The following UBE2D3 variants were observed in gnomAD, a reference collection of about 807,000 sequenced individuals.
UBE2D3 encodes the protein ubiquitin conjugating enzyme E2 D3.
UBE2D3 carries 2 observed loss-of-function variants against 22.8 expected under a neutral mutation model. The ratio of observed to expected loss-of-function variants is 0.09; its 90% CI spans 0.04 to 0.28. The LOEUF is 0.28. Ranked by LOEUF, UBE2D3 falls within the 10% of genes least tolerant of loss-of-function variation. UBE2D3 has a pLI of 1.00. For missense variants in UBE2D3, 27 were observed against 182.5 expected (o/e 0.15, Z 4.91); for synonymous variants, 56 against 60.4 (o/e 0.93, Z 0.34).
intron 4 of UBE2D3, among the ~76,000 whole-genome samples, chr4:102,806,134 T>C (rs1361383067): frequency 6.6e-6 from 1 of 152,192 alleles, no homozygotes; most frequent in Non-Finnish European, 1.5e-5. Flanking sequence ...TGATAGTTTT[T>C]AAGATAATTC....
chr4:102,821,557 G>T (rs1392051633), intron 2 of UBE2D3, among the ~76,000 whole-genome samples: 3 of 151,950 alleles, frequency 2.0e-5, no homozygotes, highest in Non-Finnish European at 4.4e-5. Flanking sequence ...TCAAAATTAT[G>T]TGTTTCCAGG....
rs78125598 is a variant in UBE2D3, at chr4:102,826,366, G to A, written c.24+119C>T. ...ATATCTGCGTTCTCCATCCCCCCATGGAAGAAGTGATCCAAGAGGTATTTT... is the reference window on the plus strand; with the variant it reads ...ATATCTGCGTTCTCCATCCCCCCATAGAAGAAGTGATCCAAGAGGTATTTT... On this transcript the variant is annotated intron_variant, in intron 2 of 7. Coordinates refer to ENST00000453744, the MANE Select transcript of UBE2D3 (RefSeq NM_181891.3). 3,238 of 1,285,312 alleles carry A rather than the reference G, an allele frequency of 2.5e-3. 28 individuals carry two copies. The African/African-American group carries it at 0.029, about 12-fold the overall frequency. 79.6% of individuals were successfully genotyped at this position (1,285,312 alleles called of 1,614,324 possible). A position where few individuals can be genotyped will look rare whatever the true frequency, so the allele number is the denominator to read the frequency against.
chr4:102,808,767 T>C (rs1312720154), intron 4 of UBE2D3, among the ~76,000 whole-genome samples: 5 of 152,210 alleles, frequency 3.3e-5, no homozygotes, highest in African/African-American at 4.8e-5. Flanking sequence ...GCACACAGTA[T>C]GTACTCACAT....
upstream of UBE2D3, among the ~76,000 whole-genome samples, chr4:102,828,564 G>C (rs1000734107): frequency 2.0e-5 from 3 of 152,190 alleles, no homozygotes; most frequent in African/African-American, 4.8e-5. Flanking sequence ...GTTTTCACTG[G>C]TCTCCGTAAT....
chr4:102,853,732 A>C (rs953702529), intron 1 of UBE2D3, among the ~76,000 whole-genome samples: 2 of 152,210 alleles, frequency 1.3e-5, no homozygotes, highest in African/African-American at 4.8e-5. Flanking sequence ...TGGGAGACTG[A>C]AACGCAAAAC....
chr4:102,808,979 C>T (rs1228531177), intron 4 of UBE2D3: 1 of 155,660 alleles, frequency 6.4e-6, no homozygotes, highest in African/African-American at 2.5e-5. Context: ...CAGGAAGATA[C>T]ACATGTAACT....
chr4:102,828,453 C>T (rs1730906606), upstream of UBE2D3, among the ~76,000 whole-genome samples: 1 of 151,884 alleles, frequency 6.6e-6, no homozygotes, highest in African/African-American at 2.4e-5. Context: ...AAGTCTAGTG[C>T]ACGTCTGACC....
exon 1 of UBE2D3, chr4:102,868,838 C>T (rs1245803448): frequency 6.3e-7 from 1 of 1,576,434 alleles, no homozygotes; most frequent in Non-Finnish European, 8.7e-7. Context: ...CACCTTCACA[C>T]GAGATTCCGA....
intron 1 of UBE2D3, among the ~76,000 whole-genome samples, chr4:102,865,355 G>A (rs111876040): frequency 0.018 from 2,784 of 152,084 alleles, 82 homozygotes; most frequent in African/African-American, 0.061. Context: ...AGCCGGGAGT[G>A]GTGGCGGGCG....
In UBE2D3 at chr4:102,797,322, T is replaced by C. The variant is rs535009664; in HGVS notation, c.*93A>G. The C allele has an allele frequency of 4.4e-5, 49 of 1,118,096 alleles. No individual in the cohort carries two copies. In the East Asian group the frequency reaches 1.1e-3, roughly 25 times the overall value. 69.3% of individuals were successfully genotyped at this position (1,118,096 alleles called of 1,614,324 possible). A position where few individuals can be genotyped will look rare whatever the true frequency, so the allele number is the denominator to read the frequency against. On this transcript the variant is annotated 3_prime_UTR_variant, in exon 8 of 8. Coordinates refer to ENST00000453744, the MANE Select transcript of UBE2D3 (RefSeq NM_181891.3). ...TAAAATTAAAAAAGATGAGGTCTGA[T>C]AGGGGAGCAGCCGGATAAGAAAATC...
intron 2 of UBE2D3, among the ~76,000 whole-genome samples, chr4:102,825,041 A>G (rs192134894): frequency 6.6e-6 from 1 of 152,258 alleles, no homozygotes; most frequent in Admixed American, 6.5e-5. Context: ...TCACGATTTC[A>G]TATCAATACA....
chr4:102,798,432 T>C (rs1725584770), intron 7 of UBE2D3, among the ~76,000 whole-genome samples: 1 of 151,530 alleles, frequency 6.6e-6, no homozygotes, highest in African/African-American at 2.4e-5. Context: ...CTAAGGATAC[T>C]CTCTCAAAAA....
chr4:102,850,151 A>G (rs1179495534), intron 1 of UBE2D3, among the ~76,000 whole-genome samples: 1 of 152,208 alleles, frequency 6.6e-6, no homozygotes, highest in African/African-American at 2.4e-5. Flanking sequence ...TAATGGTGAA[A>G]ATATACATTA....
Position 102,797,146 on chromosome 4 carries a change from C to T in UBE2D3, c.*269G>A, listed in dbSNP as rs1021948926. The T allele has an allele frequency of 1.2e-5, 4 of 338,568 alleles. No homozygotes were observed. Among genetic ancestry groups the T allele is most frequent in the Non-Finnish European group, 2.2e-5 (4 of 184,240 alleles). The allele number at this position is 338,568 out of a possible 1,614,324, so 21.0% of individuals were successfully genotyped here. A position where few individuals can be genotyped will look rare whatever the true frequency, so the allele number is the denominator to read the frequency against. On this transcript the variant is annotated 3_prime_UTR_variant, in exon 8 of 8. Coordinates refer to ENST00000453744, the MANE Select transcript of UBE2D3 (RefSeq NM_181891.3). ...AGACATTGGCCACATAATACACATG[C>T]TCCATTTTTTTTTTTAAAAATTCTG...
intron 2 of UBE2D3, among the ~76,000 whole-genome samples, chr4:102,819,281 A>G (rs903946227): frequency 6.6e-6 from 1 of 151,104 alleles, no homozygotes; most frequent in South Asian, 2.1e-4. Flanking sequence ...AGTAAGCCGC[A>G]GTTGCGCCAC....
At chr4:102,815,605 G>A (rs1347979833) in intron 2 of UBE2D3, among the ~76,000 whole-genome samples, 2 of 152,106 alleles carry the variant, frequency 1.3e-5, no homozygotes, top group African/African-American at 4.8e-5. Flanking sequence ...GCCTTTAAAT[G>A]CTAGCATTAT....
upstream of UBE2D3, chr4:102,827,627 C>G (rs1182568132): frequency 2.0e-6 from 2 of 986,772 alleles, no homozygotes; most frequent in African/African-American, 3.5e-5. Context: ...CCAACGCCGC[C>G]GTCCCGAGCA....
chr4:102,797,772 A>C (rs1331474048), intron 7 of UBE2D3, among the ~76,000 whole-genome samples: 4 of 152,036 alleles, frequency 2.6e-5, no homozygotes, highest in African/African-American at 9.7e-5. Context: ...TTTTAACGTG[A>C]AGAAATTTTT....
Position 102,833,015 on chromosome 4 carries a change from G to GAAAA in UBE2D3, c.-128-6380_-128-6379insTTTT, listed in dbSNP as rs1553965464. Among the ~76,000 whole-genome samples the GAAAA allele has an allele frequency of 1.7e-5, 2 of 114,734 alleles. 1 individual carries two copies. The allele number at this position is 114,734 out of a possible 152,430, so 75.3% of individuals were successfully genotyped here. A position where few individuals can be genotyped will look rare whatever the true frequency, so the allele number is the denominator to read the frequency against. ...CTGTCTCTCAAAAAAAAAAAAAAATGTTTATAGAAAAACAAAATATGATAT... is the reference window on the plus strand; with the variant it reads ...CTGTCTCTCAAAAAAAAAAAAAAATGAAAATTTATAGAAAAACAAAATATGATAT... On this transcript the variant is annotated intron_variant, in intron 1 of 7. Transcript: ENST00000338145.
Sources: allele counts gnomAD v4.1 joint callset (sites outside exome capture counted in the v4.1 genomes callset), GRCh38; gene constraint gnomAD v4.1.1; transcripts MANE v1.5; gene names NCBI Gene and HGNC (gene_info 2026-07-23, HGNC 2026-07-21).